Variants in COP1 observed in about 807,000 individuals in gnomAD.
The protein encoded by COP1 is COP1 E3 ubiquitin ligase, also known as E3 ubiquitin-protein ligase COP1.
A neutral mutation model predicts 101.3 loss-of-function variants in COP1; 24 were observed. That is an observed-to-expected ratio of 0.24 (90% CI 0.17 to 0.33). The LOEUF is 0.33. COP1 is among the 10% of genes least tolerant of loss of function. The pLI is 1.00. For synonymous variants in COP1, 347 were observed against 341.9 expected (o/e 1.01, Z -0.17); for missense variants, 663 against 906.2 (o/e 0.73, Z 3.45).
chr1:176,043,121 T>G lies in COP1; in HGVS notation c.1612+65A>C, dbSNP rs144635986. On this transcript the variant is annotated intron_variant, in intron 14 of 19. Transcript: ENST00000367669. The stretch of plus-strand genomic sequence containing the variant: ...GAGTAAATATTTGTATTTCTGCCGA[T>G]GAAAGGAATTACAGTTAAGAGGGCC... The G allele has an allele frequency of 3.9e-4, 356 of 909,514 alleles. 1 individual carries two copies. The African/African-American group carries it at 5.3e-3, about 14-fold the overall frequency. The allele number at this position is 909,514 out of a possible 1,614,324, so 56.3% of individuals were successfully genotyped here.
At chr1:176,146,758 G>C (rs1341848339) in intron 6 of COP1, among the ~76,000 whole-genome samples, 1 of 152,150 alleles carries the variant, frequency 6.6e-6, no homozygotes, top group Non-Finnish European at 1.5e-5. Context: ...AATTTTTCAT[G>C]TTTTAGGACA....
chr1:176,069,222 T>G (rs747130859), intron 11 of COP1, among the ~76,000 whole-genome samples: 15 of 151,994 alleles, frequency 9.9e-5, no homozygotes, highest in Non-Finnish European at 2.1e-4. Context: ...AGAAATTATA[T>G]GTAATACAGT....
chr1:176,103,543 A>T (rs1683792460), intron 9 of COP1, among the ~76,000 whole-genome samples: 1 of 152,180 alleles, frequency 6.6e-6, no homozygotes. Context: ...TTACCAACTG[A>T]GCACCCCTAA....
chr1:176,024,174 A>T (rs2149045139), intron 15 of COP1, among the ~76,000 whole-genome samples: 1 of 151,962 alleles, frequency 6.6e-6, no homozygotes, highest in Admixed American at 6.5e-5. Flanking sequence ...CACGAGAATC[A>T]CTTGAGTCGG....
At position 176,136,633 on chromosome 1, in the gene COP1, T is replaced by C. The variant is rs1689838963; in HGVS notation, c.832-86A>G. 3.6e-6 allele frequency: 3 copies of C among 836,790 alleles called. No individual in the cohort carries two copies. In the Admixed American group the frequency reaches 8.1e-5, roughly 23 times the overall value. The allele number at this position is 836,790 out of a possible 1,614,324, so 51.8% of individuals were successfully genotyped here. ...CATCACCATGATCATAAAATAAATT[T>C]ACATTAGGAAAATAATTTCTATCAA... On this transcript the variant is annotated intron_variant, in intron 6 of 19. Transcript: ENST00000367669.
chr1:176,176,406 C>A (rs1043346628), intron 2 of COP1, among the ~76,000 whole-genome samples: 4 of 152,024 alleles, frequency 2.6e-5, no homozygotes, highest in Non-Finnish European at 4.4e-5. Flanking sequence ...AAAAGAGAAA[C>A]AGAAAACTCA....
intron 15 of COP1, among the ~76,000 whole-genome samples, chr1:176,021,462 C>T (rs560371096): frequency 6.6e-6 from 1 of 152,242 alleles, no homozygotes; most frequent in African/African-American, 2.4e-5. Flanking sequence ...ATTTGCTTTA[C>T]ATTAATCTCT....
intron 9 of COP1, among the ~76,000 whole-genome samples, chr1:176,089,521 G>C (rs1326059861): frequency 6.6e-6 from 1 of 152,170 alleles, no homozygotes; most frequent in Non-Finnish European, 1.5e-5. Flanking sequence ...GCTGGCACAA[G>C]TTCACCAACA....
chr1:176,002,831 C>T (rs966810509), intron 15 of COP1, among the ~76,000 whole-genome samples: 1 of 151,110 alleles, frequency 6.6e-6, no homozygotes, highest in Non-Finnish European at 1.5e-5. Context: ...GTGCATGTGT[C>T]TTTATAGCAG....
chr1:176,170,506 G>A (rs913241324), intron 3 of COP1, among the ~76,000 whole-genome samples: 6 of 152,290 alleles, frequency 3.9e-5, no homozygotes, highest in Admixed American at 2.0e-4. Flanking sequence ...CAGGTGCATT[G>A]TCAATGAGCA....
intron 15 of COP1, among the ~76,000 whole-genome samples, chr1:175,992,379 T>C (rs1217494666): frequency 6.6e-6 from 1 of 152,046 alleles, no homozygotes; most frequent in Non-Finnish European, 1.5e-5. Context: ...CACTAGGGAG[T>C]GCCAGACAGT....
chr1:176,011,384 G>A (rs1036386118), intron 15 of COP1, among the ~76,000 whole-genome samples: 2 of 152,160 alleles, frequency 1.3e-5, no homozygotes, highest in African/African-American at 4.8e-5. Context: ...GTATGGTGTA[G>A]TAAGTAGAAA....
intron 8 of COP1, among the ~76,000 whole-genome samples, chr1:176,124,961 T>A (rs1189300439): frequency 6.6e-6 from 1 of 152,196 alleles, no homozygotes; most frequent in Admixed American, 6.5e-5. Context: ...AAAGTCATTT[T>A]AACTGAGGTG....
intron 15 of COP1, among the ~76,000 whole-genome samples, chr1:176,026,345 TAATAAA>T (rs199988146): frequency 0.069 from 10,521 of 151,906 alleles, 446 homozygotes; most frequent in Admixed American, 0.087. Context: ...ATAATATTAA[TAATAAA>T]AATAACAACT....
rs1205918527 is a variant in COP1, at chr1:176,163,901, G to GA, written c.566-11dup. ...AGAATGAGTTCATTCACTGAAAACA[G>GA]AAACAAAATAAAAAGCACACATAAT... On this transcript the variant is annotated splice_polypyrimidine_tract_variant and intron_variant, in intron 3 of 19. Coordinates refer to ENST00000367669, the MANE Select transcript of COP1 (RefSeq NM_022457.7). 2 of 1,565,696 alleles carry GA rather than the reference G, an allele frequency of 1.3e-6. No individual in the cohort carries two copies. The highest frequency in any genetic ancestry group is 1.7e-6 in the Non-Finnish European group (2 of 1,147,526).
At chr1:176,113,354 G>A (rs961249039) in intron 9 of COP1, among the ~76,000 whole-genome samples, 1 of 152,088 alleles carries the variant, frequency 6.6e-6, no homozygotes, top group Non-Finnish European at 1.5e-5. Context: ...TTTTGAAAAT[G>A]TCTATTTAGA....
intron 9 of COP1, among the ~76,000 whole-genome samples, chr1:176,092,596 T>C (rs757735106): frequency 3.3e-5 from 5 of 151,964 alleles, no homozygotes; most frequent in African/African-American, 4.8e-5. Context: ...ACAATAAATA[T>C]AAGAAAAGGT....
chr1:175,954,725 C>A (rs1650394602), intron 18 of COP1, among the ~76,000 whole-genome samples: 1 of 152,006 alleles, frequency 6.6e-6, no homozygotes. Flanking sequence ...GACTAAGGAA[C>A]ATTTCCAAAC....
At chr1:176,203,206 C>T (rs989089356) in intron 1 of COP1, among the ~76,000 whole-genome samples, 9 of 151,034 alleles carry the variant, frequency 6.0e-5, no homozygotes, top group African/African-American at 2.2e-4. Context: ...GCGGGGTGGC[C>T]GGCGCCTGTA....
Sources: gnomAD v4.1 joint callset for allele counts (sites outside exome capture counted in the v4.1 genomes callset) on GRCh38, gnomAD v4.1.1 for gene constraint, MANE v1.5 for transcripts, NCBI Gene and HGNC (gene_info 2026-07-23, HGNC 2026-07-21) for gene names.